ACACA: variants seen among roughly 807,000 people sequenced by gnomAD.
ACACA encodes the protein acetyl-CoA carboxylase alpha, also known as acetyl-CoA carboxylase 1.
A neutral mutation model predicts 296.1 loss-of-function variants in ACACA; 103 were observed. That is an observed-to-expected ratio of 0.35 (90% CI 0.30 to 0.41). ACACA has a LOEUF of 0.41. ACACA is among the 10% of genes least tolerant of loss of function. The pLI, the probability that ACACA is intolerant of heterozygous loss-of-function variation, is 1.00. For synonymous variants in ACACA, 953 were observed against 1,038.6 expected (o/e 0.92, Z 1.58); for missense variants, 1,554 against 2,989.7 (o/e 0.52, Z 11.20).
intron 20 of ACACA, among the ~76,000 whole-genome samples, 165 bp downstream of exon 20, chr17:37,244,915 A>T (rs1035991623): frequency 6.6e-6 from 1 of 152,216 alleles, no homozygotes; most frequent in Non-Finnish European, 1.5e-5. Context: ...AACTCTTGCA[A>T]ACTCTAGTTC....
intron 25 of ACACA, among the ~76,000 whole-genome samples, chr17:37,227,006 A>G (rs1243109060): frequency 2.0e-5 from 3 of 152,128 alleles, no homozygotes; most frequent in Admixed American, 6.5e-5. Flanking sequence ...TATGCTGGCA[A>G]TTCTGCATCC....
intron 45 of ACACA, chr17:37,144,264 T>C: frequency 1.5e-6 from 1 of 651,246 alleles, no homozygotes; most frequent in Non-Finnish European, 2.8e-6. Flanking sequence ...ATCTTGCCTC[T>C]AGGCTTCTTA....
At chr17:37,356,533 C>T (rs1453922015) in intron 1 of ACACA, among the ~76,000 whole-genome samples, 1 of 152,062 alleles carries the variant, frequency 6.6e-6, no homozygotes. Context: ...TGCCTACCAC[C>T]ACACCCAGCT....
At position 37,089,043 on chromosome 17, in the gene ACACA, G is replaced by T; in HGVS notation, c.6923C>A (p.Ala2308Glu). 3 of 1,614,146 alleles carry T rather than the reference G, an allele frequency of 1.9e-6. No homozygotes were observed. Among genetic ancestry groups the T allele is most frequent in the South Asian group, 1.1e-5 (1 of 91,078 alleles). The change falls in exon 55 of 56, where the codon GCG becomes GAG. Residue 2308 changes from alanine (A) to glutamate (E), a missense_variant. Ala to Glu is a moderately radical substitution (Grantham distance 107). Transcript: ENST00000616317. ...TGTCAGCTGTTTCTCTAGCCACTCC[G>T]CCAGATCCTTATTATTGTCCCAAAC... ...AYVWDNNKDL[A>E]EWLEKQLTEE...
intron 7 of ACACA, 39 bp downstream of exon 7, chr17:37,276,990 CAGAA>C (rs1454323366): frequency 3.8e-6 from 6 of 1,559,434 alleles, no homozygotes; most frequent in Admixed American, 3.3e-5. Flanking sequence ...GCAAAATTGA[CAGAA>C]AGAAACAGAA....
At position 37,268,741 on chromosome 17, in the gene ACACA, CTATA is replaced by C. The variant is rs71368449; in HGVS notation, c.1119+2006_1119+2009del. Among the ~76,000 whole-genome samples, 126 of 94,508 alleles carry C rather than the reference CTATA, an allele frequency of 1.3e-3. 1 individual carries two copies. The highest frequency in any genetic ancestry group is 4.1e-3 in the South Asian group (12 of 2,936). 62.0% of individuals were successfully genotyped at this position (94,508 alleles called of 152,430 possible). ...TCTATCTATCTATCTATCTATCTATCTATATATATATATATATATATATATATCT... is the reference window on the plus strand; with the variant it reads ...TCTATCTATCTATCTATCTATCTATCTATATATATATATATATATATATCT... On this transcript the variant is annotated intron_variant, in intron 10 of 55. Coordinates refer to ENST00000616317, the MANE Select transcript of ACACA (RefSeq NM_198834.3).
intron 1 of ACACA, among the ~76,000 whole-genome samples, chr17:37,381,771 G>T (rs1007997912): frequency 6.6e-6 from 1 of 151,622 alleles, no homozygotes; most frequent in Admixed American, 6.6e-5. Context: ...GGGACTACAG[G>T]CACTCGCCAC....
chr17:37,398,855 A>G (rs2051185535), intron 1 of ACACA, among the ~76,000 whole-genome samples: 2 of 145,462 alleles, frequency 1.4e-5, no homozygotes, highest in South Asian at 4.5e-4. Flanking sequence ...AAGTGCTGGG[A>G]TTACAGGCGT....
chr17:37,122,144 G>A (rs2074556327), intron 49 of ACACA, among the ~76,000 whole-genome samples: 2 of 152,114 alleles, frequency 1.3e-5, no homozygotes, highest in Admixed American at 1.3e-4. Flanking sequence ...AAAAAGGGCT[G>A]TGGTGTTCAC....
At chr17:37,322,863 C>T (rs1186039371) in intron 3 of ACACA, among the ~76,000 whole-genome samples, 1 of 152,228 alleles carries the variant, frequency 6.6e-6, no homozygotes, top group Non-Finnish European at 1.5e-5. Flanking sequence ...CCCCTCCTTC[C>T]AGCTCCCCAT....
chr17:37,367,336 G>A (rs2946342), intron 1 of ACACA, among the ~76,000 whole-genome samples: 6 of 151,930 alleles, frequency 3.9e-5, no homozygotes, highest in Non-Finnish European at 8.8e-5. Flanking sequence ...CATAGTTTTG[G>A]GGGTGAATAC....
chr17:37,092,629 C>T (rs915305152), intron 54 of ACACA, among the ~76,000 whole-genome samples: 4 of 152,188 alleles, frequency 2.6e-5, no homozygotes, highest in African/African-American at 9.7e-5. Context: ...CTGTTAAGTC[C>T]TCCTTAGACA....
At chr17:37,196,035 C>A (rs1043585450) in intron 35 of ACACA, among the ~76,000 whole-genome samples, 2 of 152,020 alleles carry the variant, frequency 1.3e-5, no homozygotes, top group Non-Finnish European at 2.9e-5. Flanking sequence ...ATAATTTGCC[C>A]AAATTAGCCA....
intron 3 of ACACA, among the ~76,000 whole-genome samples, chr17:37,308,354 C>T (rs531922576): frequency 1.3e-5 from 2 of 152,000 alleles, no homozygotes; most frequent in African/African-American, 2.4e-5. Context: ...TCAACAAAGC[C>T]AGAAGTTAAT....
chr17:37,306,246 A>C (rs2083880606), intron 3 of ACACA, among the ~76,000 whole-genome samples: 1 of 152,012 alleles, frequency 6.6e-6, no homozygotes, highest in African/African-American at 2.4e-5. Context: ...AAATTATTGT[A>C]TGCCTTTTGG....
At chr17:37,302,899 A>G (rs1252157495) in intron 3 of ACACA, among the ~76,000 whole-genome samples, 2 of 152,196 alleles carry the variant, frequency 1.3e-5, no homozygotes, top group Non-Finnish European at 2.9e-5. Context: ...AATAGTTTTT[A>G]GTATATTCAC....
intron 1 of ACACA, among the ~76,000 whole-genome samples, chr17:37,350,770 C>G (rs1055147121): frequency 1.3e-5 from 2 of 149,592 alleles, no homozygotes; most frequent in African/African-American, 4.9e-5. Context: ...ACCTGGGAGG[C>G]GGAGGTTGTG....
At chr17:37,365,199 T>G (rs1266108657) in intron 1 of ACACA, among the ~76,000 whole-genome samples, 1 of 152,116 alleles carries the variant, frequency 6.6e-6, no homozygotes, top group Non-Finnish European at 1.5e-5. Context: ...CCTCAAATGA[T>G]CCTCCCACCT....
rs192352522 is a variant in ACACA at position 37,265,737 on chromosome 17, A to C, written c.1120-1843T>G. Among the ~76,000 whole-genome samples the C allele has an allele frequency of 2.6e-5, 4 of 152,202 alleles. No individual in the cohort carries two copies. The East Asian group carries it at 7.7e-4, about 29-fold the overall frequency. On this transcript the variant is annotated intron_variant, in intron 10 of 55. Transcript: ENST00000616317. Reference sequence around the variant, plus strand: ...TTTGTTTTGTTTTGTTTTGTTTTTCAGGATCTAGTTTGGTTCCCTGGGAGT... The same window carrying C: ...TTTGTTTTGTTTTGTTTTGTTTTTCCGGATCTAGTTTGGTTCCCTGGGAGT...
Sources: gnomAD v4.1 joint callset for allele counts (sites outside exome capture counted in the v4.1 genomes callset) on GRCh38, gnomAD v4.1.1 for gene constraint, MANE v1.5 for transcripts, NCBI Gene and HGNC (gene_info 2026-07-23, HGNC 2026-07-21) for gene names.